RBFOX1: variants seen among roughly 807,000 people sequenced by gnomAD.
RBFOX1 encodes RNA binding fox-1 homolog 1.
Under a neutral mutation model 57.7 loss-of-function variants are expected in RBFOX1, and 8 were observed. The observed-to-expected ratio is 0.14, with a 90% CI of 0.08 to 0.25. RBFOX1 has a LOEUF of 0.25. RBFOX1 is among the 10% of genes least tolerant of loss of function. The probability of loss-of-function intolerance (pLI) is 1.00; values close to 1 mark genes in which losing one functional copy is unlikely to be tolerated. For synonymous variants in RBFOX1, 326 were observed against 222.4 expected, an observed-to-expected ratio of 1.47 and a Z score of -4.15; for missense variants, 611 against 548.5, an observed-to-expected ratio of 1.11 and a Z score of -1.14.
chr16:7,262,167 G>C (rs1315921681), intron 4 of RBFOX1, among the ~76,000 whole-genome samples: 1 of 152,054 alleles, frequency 6.6e-6, no homozygotes, highest in African/African-American at 2.4e-5. Context: ...TATATCTATA[G>C]ATATGGATCT....
chr16:5,896,039 C>T lies in RBFOX1; in HGVS notation c.351+28704C>T, dbSNP rs559692543. On this transcript the variant is annotated intron_variant, in intron 4 of 19. Coordinates refer to the RBFOX1 transcript ENST00000641259. ...GTCTTACGTTGGGTACTTCAGATGC[C>T]GAGCCTGAGAGGGGATTTTCCTTAG... Among the ~76,000 whole-genome samples, 19 of 152,128 alleles carry T rather than the reference C, an allele frequency of 1.2e-4. No individual in the cohort carries two copies. The East Asian group carries it at 2.1e-3, about 17-fold the overall frequency.
chr16:7,137,030 C>G (rs186126835), intron 4 of RBFOX1, among the ~76,000 whole-genome samples: 23 of 152,338 alleles, frequency 1.5e-4, no homozygotes, highest in Non-Finnish European at 3.2e-4. Context: ...CAACTGGACA[C>G]TAAGTTCCTA....
chr16:6,732,063 C>T (rs868049209), intron 3 of RBFOX1, among the ~76,000 whole-genome samples: 1 of 152,150 alleles, frequency 6.6e-6, no homozygotes, highest in Admixed American at 6.5e-5. Context: ...GGCTTGAGAT[C>T]TATCCCTCTT....
At chr16:6,968,052 G>C (rs2084678197) in intron 3 of RBFOX1, among the ~76,000 whole-genome samples, 1 of 152,144 alleles carries the variant, frequency 6.6e-6, no homozygotes, top group Non-Finnish European at 1.5e-5. Context: ...GTGCTGGGAG[G>C]TGCTTGGGTC....
chr16:5,945,278 C>T (rs2059379209), intron 4 of RBFOX1, among the ~76,000 whole-genome samples: 2 of 152,114 alleles, frequency 1.3e-5, no homozygotes, highest in South Asian at 2.1e-4. Context: ...GACACGAGGA[C>T]CCACACATGG....
chr16:7,013,113 A>G (rs191619986), intron 3 of RBFOX1, among the ~76,000 whole-genome samples: 2 of 152,262 alleles, frequency 1.3e-5, no homozygotes, highest in East Asian at 3.9e-4. Flanking sequence ...TCCCATCTCC[A>G]AATGTCTTTA....
chr16:5,534,708 G>T (rs941716305), intron 2 of RBFOX1, among the ~76,000 whole-genome samples: 6 of 152,088 alleles, frequency 3.9e-5, no homozygotes, highest in African/African-American at 1.4e-4. Flanking sequence ...ACTGACTCAC[G>T]TGTTAACCTT....
chr16:7,341,897 G>C (rs924167636), intron 4 of RBFOX1, among the ~76,000 whole-genome samples: 2 of 150,964 alleles, frequency 1.3e-5, no homozygotes, highest in Admixed American at 6.6e-5. Flanking sequence ...ATCCAACTTA[G>C]ACTAAAGTAA....
intron 3 of RBFOX1, among the ~76,000 whole-genome samples, chr16:6,870,682 T>A (rs1603634720): frequency 6.6e-6 from 1 of 152,206 alleles, no homozygotes; most frequent in Non-Finnish European, 1.5e-5. Flanking sequence ...ACCATAATTT[T>A]ACAGCACAGT....
intron 3 of RBFOX1, among the ~76,000 whole-genome samples, chr16:6,681,147 A>G (rs919214049): frequency 2.0e-5 from 3 of 152,156 alleles, no homozygotes; most frequent in African/African-American, 7.2e-5. Context: ...CCCCATCTCT[A>G]CTAAAAATAC....
intron 3 of RBFOX1, among the ~76,000 whole-genome samples, chr16:6,736,069 G>A (rs2070205581): frequency 1.7e-5 from 1 of 58,452 alleles, no homozygotes; most frequent in Admixed American, 2.4e-4. Context: ...GATCTATCCA[G>A]TATTACACAA....
chr16:6,986,881 C>G (rs983732922), intron 3 of RBFOX1, among the ~76,000 whole-genome samples: 56 of 152,144 alleles, frequency 3.7e-4, no homozygotes, highest in African/African-American at 1.3e-3. Context: ...ATCCTAGAAT[C>G]TCAAGTTGCA....
At chr16:6,712,792 T>A (rs1212079206) in intron 3 of RBFOX1, among the ~76,000 whole-genome samples, 2 of 151,614 alleles carry the variant, frequency 1.3e-5, no homozygotes, top group Non-Finnish European at 2.9e-5. Context: ...TTTGGCTGTG[T>A]CCCCACCCAA....
intron 3 of RBFOX1, among the ~76,000 whole-genome samples, chr16:6,986,885 A>C (rs2090407966): frequency 3.3e-5 from 5 of 152,108 alleles, no homozygotes; most frequent in Admixed American, 3.3e-4. Context: ...TAGAATCTCA[A>C]GTTGCAGAGG....
intron 14 of RBFOX1, among the ~76,000 whole-genome samples, chr16:7,696,348 G>A (rs991313742): frequency 4.6e-5 from 7 of 152,116 alleles, no homozygotes; most frequent in African/African-American, 1.4e-4. Flanking sequence ...GTAACATCAA[G>A]AACCTTTGAT....
Position 6,557,254 on chromosome 16 carries a change from G to A in RBFOX1, c.-63-97349G>A, listed in dbSNP as rs920537013. On this transcript the variant is annotated intron_variant, in intron 2 of 15. Coordinates refer to ENST00000550418, the MANE Select transcript of RBFOX1 (RefSeq NM_018723.4). ...TGGAATCACCATGCCCTTCTTTTTCGGGTGATGCATGACACCCATGAATTA... is the reference window on the plus strand; with the variant it reads ...TGGAATCACCATGCCCTTCTTTTTCAGGTGATGCATGACACCCATGAATTA... Among the ~76,000 whole-genome samples, 7 of 150,982 alleles carry A rather than the reference G, an allele frequency of 4.6e-5. No individual in the cohort carries two copies. In the East Asian group the frequency reaches 5.8e-4, roughly 13 times the overall value.
chr16:5,975,852 T>C lies in RBFOX1; in HGVS notation c.351+108517T>C, dbSNP rs569160566. Among the ~76,000 whole-genome samples the C allele has an allele frequency of 7.7e-4, 117 of 152,330 alleles. 1 individual carries two copies. Among genetic ancestry groups the C allele is most frequent in the African/African-American group, 2.7e-3 (112 of 41,572 alleles). On this transcript the variant is annotated intron_variant, in intron 4 of 19. Coordinates refer to the RBFOX1 transcript ENST00000641259. ...ATAACTCAGTCAAAATAATTAATATTTTTTATTATCTGGAAGGGTGCAGTG... is the reference window on the plus strand; with the variant it reads ...ATAACTCAGTCAAAATAATTAATATCTTTTATTATCTGGAAGGGTGCAGTG...
intron 4 of RBFOX1, among the ~76,000 whole-genome samples, chr16:7,483,961 T>G (rs1187175141): frequency 1.3e-5 from 2 of 152,234 alleles, no homozygotes; most frequent in Non-Finnish European, 2.9e-5. Flanking sequence ...TACAGTTCCT[T>G]GACCTTAAGT....
chr16:6,210,362 A>AAAAAAAAAAAAAAAAAAC (rs2097287632), intron 1 of RBFOX1, among the ~76,000 whole-genome samples: 1 of 25,092 alleles, frequency 4.0e-5, no homozygotes, highest in Non-Finnish European at 6.5e-5. Context: ...AAAAAACACC[A>AAAAAAAAAAAAAAAAAAC]AAAAAAAAAA....
Sources: allele counts gnomAD v4.1 joint callset (sites outside exome capture counted in the v4.1 genomes callset), GRCh38; gene constraint gnomAD v4.1.1; transcripts MANE v1.5; gene names NCBI Gene and HGNC (gene_info 2026-07-23, HGNC 2026-07-21).